The following FAM110B variants were observed in gnomAD, a reference collection of about 807,000 sequenced individuals.
The protein encoded by FAM110B is family with sequence similarity 110 member B, also known as protein FAM110B.
A neutral mutation model predicts 20.4 loss-of-function variants in FAM110B; 6 were observed. That is an observed-to-expected ratio of 0.29 (90% CI 0.16 to 0.58). The LOEUF (loss-of-function observed/expected upper bound fraction) is 0.58, where lower values mean the gene tolerates loss of function less well. FAM110B is among the 20% of genes least tolerant of loss of function. The pLI is 0.90. For synonymous variants in FAM110B, 226 were observed against 214.1 expected (o/e 1.06, Z -0.49); for missense variants, 434 against 498.2 (o/e 0.87, Z 1.23).
chr8:58,080,913 T>C (rs1408552908), intron 3 of FAM110B, among the ~76,000 whole-genome samples: 3 of 152,194 alleles, frequency 2.0e-5, no homozygotes, highest in African/African-American at 7.2e-5. Flanking sequence ...TCTAGTTCTC[T>C]ATGATACATT....
At chr8:58,033,567 G>A (rs999643325) in intron 2 of FAM110B, among the ~76,000 whole-genome samples, 10 of 151,966 alleles carry the variant, frequency 6.6e-5, no homozygotes, top group Non-Finnish European at 1.5e-4. Flanking sequence ...ATTTCAACAA[G>A]CAAAAAACCA....
At chr8:58,136,029 T>A (rs964182797) in intron 3 of FAM110B, among the ~76,000 whole-genome samples, 3 of 65,088 alleles carry the variant, frequency 4.6e-5, no homozygotes, top group African/African-American at 1.9e-4. Context: ...TTTTTTTTTT[T>A]AGACAGAGTA....
intron 1 of FAM110B, among the ~76,000 whole-genome samples, chr8:58,011,507 C>T (rs1048572202): frequency 6.6e-6 from 1 of 152,152 alleles, no homozygotes; most frequent in Admixed American, 6.5e-5. Context: ...TAAAACCTCA[C>T]CCCAAAGTGA....
intron 2 of FAM110B, among the ~76,000 whole-genome samples, chr8:58,039,121 G>A (rs1805149826): frequency 6.6e-6 from 1 of 152,210 alleles, no homozygotes; most frequent in Non-Finnish European, 1.5e-5. Context: ...CAGCCTGACG[G>A]CATTTCTCTG....
At chr8:58,032,345 T>TA (rs1387218576) in intron 2 of FAM110B, 1 of 152,250 alleles carries the variant, frequency 6.6e-6, no homozygotes, top group African/African-American at 2.4e-5. Flanking sequence ...AGTATATATA[T>TA]TTTTAATTAT....
At chr8:58,070,422 G>A (rs1019071600) in intron 2 of FAM110B, 1 of 152,168 alleles carries the variant, frequency 6.6e-6, no homozygotes, top group Non-Finnish European at 1.5e-5. Context: ...CGAAAAACAC[G>A]GCCATGCGTG....
At chr8:58,114,028 C>T (rs1168884137) in intron 3 of FAM110B, among the ~76,000 whole-genome samples, 1 of 152,240 alleles carries the variant, frequency 6.6e-6, no homozygotes, top group African/African-American at 2.4e-5. Context: ...CCATTGTCAT[C>T]TGCACATTTG....
chr8:58,069,330 C>T (rs1805839747), intron 2 of FAM110B, among the ~76,000 whole-genome samples: 1 of 152,210 alleles, frequency 6.6e-6, no homozygotes, highest in Non-Finnish European at 1.5e-5. Context: ...ACTTACAGCT[C>T]ATTGGCAGTA....
intron 3 of FAM110B, among the ~76,000 whole-genome samples, chr8:58,137,777 C>T (rs1369895469): frequency 6.6e-6 from 1 of 152,176 alleles, no homozygotes; most frequent in Admixed American, 6.5e-5. Flanking sequence ...TAAGCATTTG[C>T]CCCACTGAAT....
At chr8:58,091,167 C>G (rs1806468103) in intron 3 of FAM110B, among the ~76,000 whole-genome samples, 1 of 152,176 alleles carries the variant, frequency 6.6e-6, no homozygotes, top group African/African-American at 2.4e-5. Flanking sequence ...CATGGTAAGA[C>G]AAGATGAGGG....
At chr8:58,095,796 T>C (rs187357346) in intron 3 of FAM110B, among the ~76,000 whole-genome samples, 1 of 152,314 alleles carries the variant, frequency 6.6e-6, no homozygotes, top group African/African-American at 2.4e-5. Context: ...AATATCCTTG[T>C]TGATTTTCTG....
intron 3 of FAM110B, among the ~76,000 whole-genome samples, chr8:58,124,318 C>G (rs975227678): frequency 4.6e-5 from 7 of 152,204 alleles, no homozygotes; most frequent in Admixed American, 2.0e-4. Flanking sequence ...CCCTCAGCTT[C>G]TCTGGTAACA....
At chr8:58,094,678 G>A (rs989277469) in intron 3 of FAM110B, among the ~76,000 whole-genome samples, 4 of 152,246 alleles carry the variant, frequency 2.6e-5, no homozygotes, top group Non-Finnish European at 2.9e-5. Flanking sequence ...TTTTCACATC[G>A]ATGTTCGTCA....
chr8:58,014,500 A>G (rs551527173), intron 1 of FAM110B, among the ~76,000 whole-genome samples: 2 of 152,322 alleles, frequency 1.3e-5, no homozygotes, highest in Admixed American at 1.3e-4. Context: ...GTCCCCGGAC[A>G]TAAGGTTATA....
intron 2 of FAM110B, among the ~76,000 whole-genome samples, chr8:58,070,034 C>T (rs1244370282): frequency 6.6e-6 from 1 of 152,200 alleles, no homozygotes; most frequent in African/African-American, 2.4e-5. Flanking sequence ...CTGTGCTTTG[C>T]TCCAATGGCT....
chr8:58,062,285 G>A (rs986227358), intron 2 of FAM110B, among the ~76,000 whole-genome samples: 5 of 152,148 alleles, frequency 3.3e-5, no homozygotes, highest in South Asian at 2.1e-4. Context: ...TATGCATGGC[G>A]TAACATTTCT....
At chr8:57,996,995 CAGG>C (rs1430466924) in intron 1 of FAM110B, among the ~76,000 whole-genome samples, 1 of 152,188 alleles carries the variant, frequency 6.6e-6, no homozygotes, top group Non-Finnish European at 1.5e-5. Flanking sequence ...AAATGATTGT[CAGG>C]AGTTTACTCT....
intron 1 of FAM110B, among the ~76,000 whole-genome samples, chr8:57,995,071 C>G (rs1422126432): frequency 6.6e-6 from 1 of 152,118 alleles, no homozygotes; most frequent in African/African-American, 2.4e-5. Context: ...CGCGCCCCCT[C>G]TGCGCTCGGC....
intron 3 of FAM110B, among the ~76,000 whole-genome samples, chr8:58,121,709 A>G (rs1807364847): frequency 6.6e-6 from 1 of 152,028 alleles, no homozygotes; most frequent in African/African-American, 2.4e-5. Context: ...CTTTCGCCGT[A>G]TTTTCTAATA....
Sources: allele counts gnomAD v4.1 joint callset (sites outside exome capture counted in the v4.1 genomes callset), GRCh38; gene constraint gnomAD v4.1.1; transcripts MANE v1.5; gene names NCBI Gene and HGNC (gene_info 2026-07-23, HGNC 2026-07-21).